Variants in GXYLT2 observed in about 807,000 individuals in gnomAD.
GXYLT2 encodes the protein glucoside xylosyltransferase 2.
In GXYLT2, 53 loss-of-function variants were observed where a neutral mutation model predicts 45.8. That is an observed-to-expected ratio of 1.16 (90% confidence interval 0.93 to 1.46). The LOEUF (loss-of-function observed/expected upper bound fraction) is 1.46. GXYLT2 is among the 40% of genes most tolerant of loss of function. The pLI, the probability that GXYLT2 is intolerant of heterozygous loss-of-function variation, is 0.00. For synonymous variants in GXYLT2, 219 were observed against 214.2 expected (o/e 1.02, Z -0.19); for missense variants, 551 against 544.4 (o/e 1.01, Z -0.12).
At chr3:72,898,826 G>C (rs1000940954) in intron 1 of GXYLT2, among the ~76,000 whole-genome samples, 2 of 151,998 alleles carry the variant, frequency 1.3e-5, no homozygotes, top group Non-Finnish European at 2.9e-5. Flanking sequence ...CCGCCTTCCG[G>C]GTTAAAGTGA....
chr3:72,971,993 A>G (rs1005841410), intron 6 of GXYLT2, among the ~76,000 whole-genome samples: 3 of 151,818 alleles, frequency 2.0e-5, no homozygotes, highest in Non-Finnish European at 4.4e-5. Context: ...TGATGATAAC[A>G]ATTTCACACT....
chr3:72,961,277 A>G (rs1710763122), intron 5 of GXYLT2, among the ~76,000 whole-genome samples: 1 of 152,104 alleles, frequency 6.6e-6, no homozygotes, highest in Non-Finnish European at 1.5e-5. Flanking sequence ...ACCAAAAGAG[A>G]ATTCTATATA....
chr3:72,959,611 T>C (rs1319374221), intron 5 of GXYLT2, among the ~76,000 whole-genome samples: 2 of 151,928 alleles, frequency 1.3e-5, no homozygotes, highest in East Asian at 3.9e-4. Context: ...TCTGCATCTC[T>C]TCCTTTTTCT....
intron 1 of GXYLT2, among the ~76,000 whole-genome samples, chr3:72,898,841 C>G (rs1709344980): frequency 6.6e-6 from 1 of 152,096 alleles, no homozygotes; most frequent in Non-Finnish European, 1.5e-5. Flanking sequence ...AAGTGATTCT[C>G]CTGCCTAAGC....
At chr3:72,909,879 A>G (rs1319179114) in intron 2 of GXYLT2, among the ~76,000 whole-genome samples, 2 of 152,184 alleles carry the variant, frequency 1.3e-5, no homozygotes, top group East Asian at 1.9e-4. Flanking sequence ...AGCTGGACTA[A>G]TGAGAAATGC....
chr3:72,945,685 GA>G (rs1710390339), intron 3 of GXYLT2, among the ~76,000 whole-genome samples: 1 of 152,162 alleles, frequency 6.6e-6, no homozygotes, highest in Admixed American at 6.5e-5. Flanking sequence ...TGGCATTTGG[GA>G]AGCATTTGGT....
At chr3:72,924,941 A>C (rs1278211892) in intron 3 of GXYLT2, among the ~76,000 whole-genome samples, 1 of 151,972 alleles carries the variant, frequency 6.6e-6, no homozygotes, top group South Asian at 2.1e-4. Context: ...GGGTCAAATG[A>C]GTTTAATTTG....
At chr3:72,932,384 A>G (rs1180019637) in intron 3 of GXYLT2, among the ~76,000 whole-genome samples, 1 of 152,214 alleles carries the variant, frequency 6.6e-6, no homozygotes, top group Non-Finnish European at 1.5e-5. Context: ...TTGGCAACAC[A>G]AAAGTATTTA....
intron 2 of GXYLT2, among the ~76,000 whole-genome samples, chr3:72,919,718 G>A (rs898572222): frequency 6.6e-6 from 1 of 152,254 alleles, no homozygotes; most frequent in Non-Finnish European, 1.5e-5. Context: ...TTGCGCCATT[G>A]CACTCCAGTC....
chr3:72,913,521 C>T (rs1350637226), intron 2 of GXYLT2, among the ~76,000 whole-genome samples: 2 of 151,610 alleles, frequency 1.3e-5, no homozygotes, highest in African/African-American at 4.8e-5. Context: ...GTGTCAAAAC[C>T]CCATCTCTAC....
At chr3:72,926,728 AG>A (rs1412943057) in intron 3 of GXYLT2, among the ~76,000 whole-genome samples, 1 of 152,194 alleles carries the variant, frequency 6.6e-6, no homozygotes, top group African/African-American at 2.4e-5. Flanking sequence ...TGGGAATCCT[AG>A]AGATAGGTAA....
chr3:72,904,966 T>C (rs1342440574), intron 1 of GXYLT2, among the ~76,000 whole-genome samples: 2 of 149,142 alleles, frequency 1.3e-5, no homozygotes, highest in East Asian at 2.0e-4. Context: ...TGAGAATTGC[T>C]TGAGCCTGGG....
Position 72,961,964 on chromosome 3 carries a change from C to T in GXYLT2, c.976+4612C>T, listed in dbSNP as rs578257503. The stretch of plus-strand genomic sequence containing the variant: ...AGAGCTGAAATGCCCATGGAGTACA[C>T]GTAGATTGTGAGTCAAGTGTGTGAT... On this transcript the variant is annotated intron_variant, in intron 5 of 6. Transcript: ENST00000389617. Among the ~76,000 whole-genome samples the T allele has an allele frequency of 3.3e-4, 50 of 152,176 alleles. No individual in the cohort carries two copies. The South Asian group carries it at 8.7e-3, about 27-fold the overall frequency.
chr3:72,973,894 A>G (rs1044428479), intron 6 of GXYLT2, among the ~76,000 whole-genome samples: 2 of 152,226 alleles, frequency 1.3e-5, no homozygotes, highest in Admixed American at 6.5e-5. Context: ...CTGGGAGAGA[A>G]CCTTCTTGCA....
intron 5 of GXYLT2, among the ~76,000 whole-genome samples, chr3:72,960,561 C>T (rs948741479): frequency 3.2e-4 from 49 of 152,296 alleles, no homozygotes; most frequent in African/African-American, 1.2e-3. Flanking sequence ...AATCCTGGTT[C>T]TGCACAGTAT....
intron 1 of GXYLT2, chr3:72,908,150 A>G (rs1246318875): frequency 1.5e-5 from 8 of 521,934 alleles, no homozygotes; most frequent in Non-Finnish European, 2.4e-5. Context: ...TAGCAGTCCA[A>G]ACAGTGACTC....
intron 3 of GXYLT2, among the ~76,000 whole-genome samples, chr3:72,935,125 A>C (rs752790127): frequency 6.6e-6 from 1 of 152,220 alleles, no homozygotes; most frequent in Non-Finnish European, 1.5e-5. Context: ...AAGATGAATA[A>C]AACTTCTAAA....
chr3:72,958,623 T>C (rs1026728658), intron 5 of GXYLT2, among the ~76,000 whole-genome samples: 1 of 148,588 alleles, frequency 6.7e-6, no homozygotes, highest in African/African-American at 2.5e-5. Context: ...AGCTGTTCAC[T>C]TGTGGCTTTT....
At chr3:72,905,205 T>C (rs188856475) in intron 1 of GXYLT2, among the ~76,000 whole-genome samples, 3,124 of 151,098 alleles carry the variant, frequency 0.021, 100 homozygotes, top group African/African-American at 0.071. Flanking sequence ...GTAACCTCAG[T>C]CTCCCAGGTT....
Sources: allele counts gnomAD v4.1 joint callset (sites outside exome capture counted in the v4.1 genomes callset), GRCh38; gene constraint gnomAD v4.1.1; transcripts MANE v1.5; gene names NCBI Gene and HGNC (gene_info 2026-07-23, HGNC 2026-07-21).